RNF10: variants seen among roughly 807,000 people sequenced by gnomAD.
The protein encoded by RNF10 is ring finger protein 10.
Under a neutral mutation model 91.4 loss-of-function variants are expected in RNF10, and 38 were observed. That is an observed-to-expected ratio of 0.42 (90% CI 0.32 to 0.54). The LOEUF is 0.54. Among genes scored for constraint, RNF10 ranks in the 20% least tolerant of loss-of-function variants. RNF10 has a pLI of 0.16. For synonymous variants in RNF10, 364 were observed against 366.3 expected, an observed-to-expected ratio of 0.99 and a Z score of 0.07; for missense variants, 945 against 1,012.0, an observed-to-expected ratio of 0.93 and a Z score of 0.90.
In RNF10 at chr12:120,565,490, C is replaced by T. The variant is rs779356543; in HGVS notation, c.1846C>T (p.Arg616Cys). 47 of 1,613,944 alleles carry T rather than the reference C, an allele frequency of 2.9e-5. No individual in the cohort carries two copies. Among genetic ancestry groups the T allele is most frequent in the Admixed American group, 1.2e-4 (7 of 59,990 alleles). ...GGCTCGGGAGGAACGCCGCCGAGAG[C>T]GCAGGATTGAGATAGAGGAGAACAA... is the stretch of plus-strand genomic sequence containing the variant. ...KKAREERRRE[R>C]RIEIEENKKQ... The change falls in exon 12 of 17, where the codon CGC (arginine) becomes TGC (cysteine). Residue 616 changes from arginine to cysteine, a missense_variant. Arg to Cys is a radical substitution (Grantham distance 180, BLOSUM62 -3). Coordinates refer to ENST00000325954, the MANE Select transcript of RNF10 (RefSeq NM_014868.5).
At chr12:120,550,954 T>C (rs1316419714) in intron 2 of RNF10, among the ~76,000 whole-genome samples, 1 of 152,084 alleles carries the variant, frequency 6.6e-6, no homozygotes, top group Admixed American at 6.6e-5. Flanking sequence ...GTTATCTGAC[T>C]GGATGGTATA....
chr12:120,557,806 T>C (rs1319384880), intron 6 of RNF10, 124 bp downstream of exon 6: 4 of 1,062,950 alleles, frequency 3.8e-6, no homozygotes, highest in Non-Finnish European at 5.6e-6. Context: ...ATATTAGTCA[T>C]AGGATTCCAG....
At chr12:120,545,571 C>G (rs1391980074) in intron 1 of RNF10, among the ~76,000 whole-genome samples, 1 of 151,686 alleles carries the variant, frequency 6.6e-6, no homozygotes, top group Non-Finnish European at 1.5e-5. Context: ...GATAATCTTG[C>G]TCTTTGCCCA....
At chr12:120,559,176 C>CTTTTTTTTT (rs34120761) in intron 6 of RNF10, among the ~76,000 whole-genome samples, 4 of 95,804 alleles carry the variant, frequency 4.2e-5, no homozygotes, top group Non-Finnish European at 5.7e-5. Flanking sequence ...TTGAACTACT[C>CTTTTTTTTT]TTTTTTTTTT....
chr12:120,553,465 C>T (rs1157880606), intron 3 of RNF10, among the ~76,000 whole-genome samples: 7 of 147,754 alleles, frequency 4.7e-5, no homozygotes, highest in African/African-American at 1.5e-4. Flanking sequence ...TGCAGTGGCA[C>T]GATCTCAGCT....
intron 2 of RNF10, among the ~76,000 whole-genome samples, chr12:120,551,962 G>A (rs1873157495): frequency 1.3e-5 from 2 of 151,922 alleles, no homozygotes; most frequent in African/African-American, 4.8e-5. Context: ...CGGGAGAACG[G>A]GAAGCAGGCA....
At position 120,557,410 on chromosome 12, in the gene RNF10, G is replaced by A. The variant is rs1565958088; in HGVS notation, c.774G>A (p.Lys258=). Residue 258 remains lysine, a synonymous_variant, in exon 5 of 17, where the codon AAG becomes AAA. Coordinates refer to ENST00000325954, the MANE Select transcript of RNF10 (RefSeq NM_014868.5). The part of the protein sequence containing the change: ...CILHYLSLSE[K]TWSKCPICYS... The stretch of plus-strand genomic sequence containing the variant: ...TGCACTATCTTTCACTGAGTGAGAA[G>A]ACGTGGAGTAAATGTCCCATCTGTT... 1 of 1,614,200 alleles carries A rather than the reference G, an allele frequency of 6.2e-7. No individual in the cohort carries two copies.
chr12:120,563,332 A>T lies in RNF10; in HGVS notation c.1255-15A>T. 6.3e-7 allele frequency: 1 copy of T among 1,598,112 alleles called. No homozygotes were observed. Among genetic ancestry groups the T allele is most frequent in the Non-Finnish European group, 8.5e-7 (1 of 1,173,616 alleles). ...GGAGATATCCTTTCTGTTGACTTAG[A>T]GTTTGCTGCAACAGGGTGTGCTGGA... On this transcript the variant is annotated splice_polypyrimidine_tract_variant and intron_variant, in intron 8 of 16. Coordinates refer to ENST00000325954, the MANE Select transcript of RNF10 (RefSeq NM_014868.5).
chr12:120,560,679 T>C, intron 6 of RNF10, 47 bp from the exon 7 acceptor site: 2 of 1,575,582 alleles, frequency 1.3e-6, no homozygotes, highest in South Asian at 1.1e-5. Context: ...TACACCATCG[T>C]GAGCTTTGAA....
chr12:120,577,152 A>G lies in RNF10; in HGVS notation c.*486A>G, dbSNP rs898069667. 4.5e-6 allele frequency: 2 copies of G among 447,936 alleles called. No individual in the cohort carries two copies. Among genetic ancestry groups the G allele is most frequent in the African/African-American group, 4.0e-5 (2 of 49,410 alleles). 27.7% of individuals were successfully genotyped at this position (447,936 alleles called of 1,614,324 possible). Reference sequence around the variant, plus strand: ...TGTTAAAGAAACAGGGGTGGGAATAAAATGGATTTAGGACACCCAGTTTGA... The same window carrying G: ...TGTTAAAGAAACAGGGGTGGGAATAGAATGGATTTAGGACACCCAGTTTGA... On this transcript the variant is annotated 3_prime_UTR_variant, in exon 17 of 17. Coordinates refer to ENST00000325954, the MANE Select transcript of RNF10 (RefSeq NM_014868.5).
intron 1 of RNF10, among the ~76,000 whole-genome samples, chr12:120,542,516 GAAGT>G (rs1162568930): frequency 6.6e-6 from 1 of 152,138 alleles, no homozygotes; most frequent in Non-Finnish European, 1.5e-5. Flanking sequence ...GTTGCTAACT[GAAGT>G]AATAGGTAAA....
chr12:120,561,881 ATCCT>A (rs1019137441), intron 7 of RNF10, among the ~76,000 whole-genome samples: 1 of 152,214 alleles, frequency 6.6e-6, no homozygotes, highest in Non-Finnish European at 1.5e-5. Flanking sequence ...AGTTAGCTAA[ATCCT>A]TCCTACTACT....
intron 14 of RNF10, among the ~76,000 whole-genome samples, chr12:120,571,671 T>G (rs764760050): frequency 6.6e-6 from 1 of 152,168 alleles, no homozygotes; most frequent in African/African-American, 2.4e-5. Flanking sequence ...TAGAATATTT[T>G]AAAAATCATT....
chr12:120,542,645 C>T (rs1422876453), intron 1 of RNF10, among the ~76,000 whole-genome samples: 4 of 152,152 alleles, frequency 2.6e-5, no homozygotes, highest in Non-Finnish European at 4.4e-5. Context: ...CTCTGCCTCC[C>T]GGGTTCAAAT....
intron 1 of RNF10, among the ~76,000 whole-genome samples, chr12:120,536,281 G>T (rs1190796859): frequency 6.6e-6 from 1 of 151,820 alleles, no homozygotes; most frequent in East Asian, 1.9e-4. Context: ...AAAATTAGCC[G>T]AGTGTGGTGG....
At chr12:120,556,081 G>A (rs892924647) in intron 4 of RNF10, among the ~76,000 whole-genome samples, 11 of 151,380 alleles carry the variant, frequency 7.3e-5, no homozygotes, top group African/African-American at 2.2e-4. Flanking sequence ...GAGCCACCAC[G>A]CCCAGCTTCA....
chr12:120,538,823 G>A (rs1291836268), intron 1 of RNF10, among the ~76,000 whole-genome samples: 1 of 152,136 alleles, frequency 6.6e-6, no homozygotes, highest in African/African-American at 2.4e-5. Flanking sequence ...CACTGCCCTG[G>A]CATTCTTCCT....
intron 14 of RNF10, among the ~76,000 whole-genome samples, chr12:120,572,900 CTTTTTTTTT>C (rs35567785): frequency 9.9e-6 from 1 of 100,642 alleles, no homozygotes; most frequent in African/African-American, 3.8e-5. Context: ...TGCGCCTGGC[CTTTTTTTTT>C]TTTTTTTTTT....
intron 1 of RNF10, among the ~76,000 whole-genome samples, chr12:120,535,829 T>C (rs528363072): frequency 1.4e-4 from 21 of 152,298 alleles, no homozygotes; most frequent in African/African-American, 5.1e-4. Context: ...AGGTGAAGTT[T>C]TTACCTCTGT....
Sources: gnomAD v4.1 joint callset for allele counts (sites outside exome capture counted in the v4.1 genomes callset) on GRCh38, gnomAD v4.1.1 for gene constraint, MANE v1.5 for transcripts, NCBI Gene and HGNC (gene_info 2026-07-23, HGNC 2026-07-21) for gene names.